Variants in BCL2 observed in about 807,000 individuals in gnomAD.
BCL2 encodes apoptosis regulator Bcl-2.
A neutral mutation model predicts 14.2 loss-of-function variants in BCL2; 1 was observed. The observed-to-expected ratio is 0.07, with a 90% CI of 0.02 to 0.33. BCL2 has a LOEUF of 0.33. Ranked by LOEUF, BCL2 falls within the 10% of genes least tolerant of loss-of-function variation. The pLI, the probability that BCL2 is intolerant of heterozygous loss-of-function variation, is 0.99. For synonymous variants in BCL2, 151 were observed against 137.2 expected, an observed-to-expected ratio of 1.10 and a Z score of -0.70; for missense variants, 247 against 305.9, an observed-to-expected ratio of 0.81 and a Z score of 1.44.
At chr18:63,230,233 A>T (rs571416889) in intron 2 of BCL2, among the ~76,000 whole-genome samples, 2 of 152,326 alleles carry the variant, frequency 1.3e-5, no homozygotes, top group South Asian at 4.1e-4. Flanking sequence ...AAACCCAAGT[A>T]CATTTTGAAA....
chr18:63,257,676 G>A (rs947517940), intron 2 of BCL2, among the ~76,000 whole-genome samples: 3 of 152,244 alleles, frequency 2.0e-5, no homozygotes, highest in East Asian at 3.8e-4. Context: ...AGGCTCAGAG[G>A]TAGAAGATGG....
chr18:63,155,940 G>A (rs1442067925), intron 2 of BCL2, among the ~76,000 whole-genome samples: 1 of 152,132 alleles, frequency 6.6e-6, no homozygotes, highest in Non-Finnish European at 1.5e-5. Flanking sequence ...CAGCCAGTGT[G>A]GGCCATTGGT....
rs1452248175 is a variant in BCL2, at chr18:63,221,866, C to T, written c.586-93107G>A. Among the ~76,000 whole-genome samples the T allele has an allele frequency of 1.1e-4, 16 of 152,154 alleles. No homozygotes were observed. The East Asian group carries it at 2.9e-3, about 27-fold the overall frequency. Reference sequence around the variant, plus strand: ...CCTGTGTATCTGAGTAGGGGAATCCCATGACAATAAATTAATACAAACACA... The same window carrying T: ...CCTGTGTATCTGAGTAGGGGAATCCTATGACAATAAATTAATACAAACACA... On this transcript the variant is annotated intron_variant, in intron 2 of 2. Coordinates refer to ENST00000333681, the MANE Select transcript of BCL2 (RefSeq NM_000633.3).
chr18:63,243,859 A>G (rs1911081816), intron 2 of BCL2, among the ~76,000 whole-genome samples: 1 of 152,252 alleles, frequency 6.6e-6, no homozygotes, highest in Non-Finnish European at 1.5e-5. Flanking sequence ...TGAGAACATT[A>G]TCTGCTCCTC....
intron 2 of BCL2, among the ~76,000 whole-genome samples, chr18:63,146,351 G>A (rs1914511805): frequency 1.3e-5 from 2 of 152,224 alleles, no homozygotes. Context: ...GAAGGACGCT[G>A]GTCGTGGACA....
intron 2 of BCL2, among the ~76,000 whole-genome samples, chr18:63,217,039 G>C (rs987455482): frequency 3.9e-5 from 6 of 152,120 alleles, no homozygotes; most frequent in African/African-American, 1.4e-4. Flanking sequence ...TCTCTGACTC[G>C]AGATGAGACG....
intron 2 of BCL2, among the ~76,000 whole-genome samples, chr18:63,255,283 G>T (rs1911438967): frequency 6.6e-6 from 1 of 152,216 alleles, no homozygotes; most frequent in Non-Finnish European, 1.5e-5. Flanking sequence ...AGTGTGGACA[G>T]CTCTATCCAA....
At chr18:63,307,791 A>C (rs1317575687) in intron 2 of BCL2, among the ~76,000 whole-genome samples, 1 of 152,234 alleles carries the variant, frequency 6.6e-6, no homozygotes, top group Admixed American at 6.5e-5. Context: ...CAATGGGAAC[A>C]TAATGCACAG....
At chr18:63,143,100 A>G (rs1020154959) in intron 2 of BCL2, among the ~76,000 whole-genome samples, 1 of 152,242 alleles carries the variant, frequency 6.6e-6, no homozygotes, top group Admixed American at 6.5e-5. Context: ...TCTCATCTGA[A>G]TAGCTGTTTA....
Position 63,261,968 on chromosome 18 carries a change from C to A in BCL2, c.585+56114G>T, listed in dbSNP as rs919920706. On this transcript the variant is annotated intron_variant, in intron 2 of 2. Coordinates refer to ENST00000333681, the MANE Select transcript of BCL2 (RefSeq NM_000633.3). ...TTAATGTTTGTATTTTTAGTAGAGA[C>A]AATGTTTCCCCATGTTGGCCAGGCT... Among the ~76,000 whole-genome samples the A allele has an allele frequency of 5.3e-5, 8 of 152,160 alleles. 1 individual carries two copies. The South Asian group carries it at 1.2e-3, about 24-fold the overall frequency.
intron 2 of BCL2, among the ~76,000 whole-genome samples, chr18:63,136,296 T>C (rs1914205018): frequency 6.6e-6 from 1 of 152,132 alleles, no homozygotes. Context: ...TTCTAAGACA[T>C]CCCCTAGGGA....
chr18:63,298,048 C>T (rs984873985), intron 2 of BCL2, among the ~76,000 whole-genome samples: 2 of 152,180 alleles, frequency 1.3e-5, no homozygotes, highest in African/African-American at 4.8e-5. Context: ...GCTATGGCCA[C>T]CAGTATTTAT....
chr18:63,143,390 A>T (rs1020061581), intron 2 of BCL2, among the ~76,000 whole-genome samples: 1 of 152,204 alleles, frequency 6.6e-6, no homozygotes, highest in Non-Finnish European at 1.5e-5. Context: ...GAAGCCAGTG[A>T]AGCTGGCCTC....
At chr18:63,235,997 C>T (rs909457952) in intron 2 of BCL2, among the ~76,000 whole-genome samples, 8 of 152,146 alleles carry the variant, frequency 5.3e-5, no homozygotes, top group Non-Finnish European at 1.0e-4. Flanking sequence ...AATTGTAGCT[C>T]CCATAATCCC....
chr18:63,191,130 C>A (rs1909280793), intron 2 of BCL2, among the ~76,000 whole-genome samples: 2 of 152,322 alleles, frequency 1.3e-5, no homozygotes, highest in African/African-American at 4.8e-5. Context: ...GGCTCCATGT[C>A]TTTGCGATTG....
rs138373085 is a variant in BCL2, at chr18:63,177,048, C to G, written c.586-48289G>C. Reference sequence around the variant, plus strand: ...TCTCTCACCTCAGCCTCCCGAGTAGCTGGGACCACAGGTGCACACCCCCAC... The same window carrying G: ...TCTCTCACCTCAGCCTCCCGAGTAGGTGGGACCACAGGTGCACACCCCCAC... On this transcript the variant is annotated intron_variant, in intron 2 of 2. Transcript: ENST00000333681. Among the ~76,000 whole-genome samples, 517 of 151,962 alleles carry G rather than the reference C, an allele frequency of 3.4e-3. 6 individuals carry two copies. The highest frequency in any genetic ancestry group is 0.012 in the African/African-American group (501 of 41,430).
chr18:63,166,258 TC>T (rs1428637869), intron 2 of BCL2, among the ~76,000 whole-genome samples: 5 of 152,042 alleles, frequency 3.3e-5, no homozygotes, highest in Non-Finnish European at 5.9e-5. Flanking sequence ...GGGAGAAGGA[TC>T]CGCTGTGGAG....
rs954683009 is a variant in BCL2 at position 63,124,733 on chromosome 18, T to C, written c.*3892A>G. On this transcript the variant is annotated 3_prime_UTR_variant, in exon 3 of 3. Coordinates refer to ENST00000333681, the MANE Select transcript of BCL2 (RefSeq NM_000633.3). ...GCTTGACAATGTAGAATTGTATTTC[T>C]TAAAAAGTGTGTAACCACATTTGTC... 2 of 229,808 alleles carry C rather than the reference T, an allele frequency of 8.7e-6. No homozygotes were observed. The highest frequency in any genetic ancestry group is 8.6e-6 in the Non-Finnish European group (1 of 115,618). 14.2% of individuals were successfully genotyped at this position (229,808 alleles called of 1,614,324 possible). A position where few individuals can be genotyped will look rare whatever the true frequency, so the allele number is the denominator to read the frequency against.
At chr18:63,309,155 C>A (rs1913230307) in intron 2 of BCL2, among the ~76,000 whole-genome samples, 1 of 152,182 alleles carries the variant, frequency 6.6e-6, no homozygotes, top group African/African-American at 2.4e-5. Context: ...CTACAGATTA[C>A]CTTTGGGAAA....
Sources: allele counts gnomAD v4.1 joint callset (sites outside exome capture counted in the v4.1 genomes callset), GRCh38; gene constraint gnomAD v4.1.1; transcripts MANE v1.5; gene names NCBI Gene and HGNC (gene_info 2026-07-23, HGNC 2026-07-21).